Variants in ATP11C observed in about 807,000 individuals in gnomAD.
ATP11C encodes ATPase phospholipid transporting 11C (ATP11C blood group), also known as phospholipid-transporting ATPase IG.
A neutral mutation model predicts 97.4 loss-of-function variants in ATP11C; 36 were observed. The observed-to-expected ratio is 0.37, with a 90% CI of 0.28 to 0.49. The LOEUF (loss-of-function observed/expected upper bound fraction) is 0.49, where lower values mean the gene tolerates loss of function less well. ATP11C is among the 20% of genes least tolerant of loss of function. The pLI is 0.98. For synonymous variants in ATP11C, 275 were observed against 290.9 expected, an observed-to-expected ratio of 0.95 and a Z score of 0.56; for missense variants, 730 against 824.6, an observed-to-expected ratio of 0.89 and a Z score of 1.40.
In ATP11C at chrX:139,817,409, A is replaced by G. The variant is rs57786608; in HGVS notation, c.238-466T>C. On this transcript the variant is annotated intron_variant, in intron 3 of 29. Transcript: ENST00000682941. ...AGGTAGTTTTCTAGGCACAGTGAACAGTATATGCAGGTCTCTAGGAAATAA... is the reference window on the plus strand; with the variant it reads ...AGGTAGTTTTCTAGGCACAGTGAACGGTATATGCAGGTCTCTAGGAAATAA... Among the ~76,000 whole-genome samples, 494 of 112,511 alleles carry G rather than the reference A, an allele frequency of 4.4e-3. 3 individuals are homozygous for G. The highest frequency in any genetic ancestry group is 0.015 in the African/African-American group (469 of 30,995).
chrX:139,735,885 A>C, intron 28 of ATP11C, among the ~76,000 whole-genome samples: 1 of 111,666 alleles, frequency 9.0e-6, no homozygotes. Context: ...ATTGGATGTA[A>C]AGAGAGATGT....
intron 7 of ATP11C, 94 bp from the exon 8 acceptor site, chrX:139,800,204 A>C: frequency 3.2e-6 from 2 of 620,184 alleles, no homozygotes; most frequent in Non-Finnish European, 5.1e-6. Context: ...CAAATAATAA[A>C]ACAGAGATAG....
chrX:139,811,678 A>G (rs2491012), intron 5 of ATP11C, among the ~76,000 whole-genome samples: 5,814 of 110,578 alleles, frequency 0.053, 388 homozygotes, highest in African/African-American at 0.18. Flanking sequence ...CTAAACAGGT[A>G]GTAAAGAGTT....
At chrX:139,926,543 G>A (rs1455544746) in intron 1 of ATP11C, among the ~76,000 whole-genome samples, 5 of 111,634 alleles carry the variant, frequency 4.5e-5, no homozygotes, top group African/African-American at 1.6e-4. Flanking sequence ...TGGTAAACTG[G>A]CAGCTTTTTG....
intron 1 of ATP11C, among the ~76,000 whole-genome samples, chrX:139,885,926 CT>C (rs1393883168): frequency 1.8e-5 from 2 of 111,032 alleles, no homozygotes; most frequent in East Asian, 5.7e-4. Flanking sequence ...CTAACTCATA[CT>C]TAATAATAAA....
intron 15 of ATP11C, among the ~76,000 whole-genome samples, chrX:139,785,941 G>C (rs2082563354): frequency 9.0e-6 from 1 of 111,179 alleles, no homozygotes; most frequent in Admixed American, 9.6e-5. Flanking sequence ...GGCAGCATGA[G>C]AGCACATGGC....
At position 139,756,968 on chromosome X, in the gene ATP11C, TAAAAAAAAAAA is replaced by T. The variant is rs756085784; in HGVS notation, c.2700+829_2700+839del. Among the ~76,000 whole-genome samples the T allele has an allele frequency of 1.6e-4, 6 of 37,264 alleles. No individual in the cohort carries two copies. The East Asian group carries it at 3.4e-3, about 21-fold the overall frequency. The allele number at this position is 37,264 out of a possible 115,157, so 32.4% of individuals were successfully genotyped here. A position where few individuals can be genotyped will look rare whatever the true frequency, so the allele number is the denominator to read the frequency against. ...GCACATGCACTCCTGAACCTAAAAG[TAAAAAAAAAAA>T]AAAAAAAAAAAAACTGCCAAAGAAT... On this transcript the variant is annotated intron_variant, in intron 23 of 29. Transcript: ENST00000682941.
chrX:139,898,282 C>T (rs1445655024), intron 1 of ATP11C, among the ~76,000 whole-genome samples: 1 of 111,229 alleles, frequency 9.0e-6, no homozygotes, highest in African/African-American at 3.3e-5. Flanking sequence ...CCCTTCAGAT[C>T]AATAGCTCAG....
At chrX:139,881,256 G>A (rs751397907) in intron 1 of ATP11C, among the ~76,000 whole-genome samples, 1 of 111,360 alleles carries the variant, frequency 9.0e-6, no homozygotes, top group African/African-American at 3.3e-5. Context: ...GGTAACTCTA[G>A]GGAAACAAGA....
chrX:139,804,671 A>C, intron 5 of ATP11C, 72 bp from the exon 6 acceptor site: 3 of 844,677 alleles, frequency 3.6e-6, no homozygotes, highest in Non-Finnish European at 5.0e-6. Flanking sequence ...ACAAAAGTCA[A>C]AACATTAGCA....
intron 1 of ATP11C, among the ~76,000 whole-genome samples, chrX:139,838,335 A>G (rs1271841205): frequency 9.0e-6 from 1 of 111,582 alleles, no homozygotes; most frequent in Non-Finnish European, 1.9e-5. Flanking sequence ...ATAAAGTACC[A>G]AGGAATGAAA....
rs140994552 is a variant in ATP11C, at chrX:139,865,874, C to T, written c.28-39051G>A. On this transcript the variant is annotated intron_variant, in intron 1 of 29. Transcript: ENST00000682941. ...GAATTATTTGATACTTTCAGGTGTG[C>T]ACTACCAGGCCAGGCTCTGGAAATG... is the stretch of plus-strand genomic sequence containing the variant. Among the ~76,000 whole-genome samples, 682 of 110,374 alleles carry T rather than the reference C, an allele frequency of 6.2e-3. 2 individuals are homozygous for T. Among genetic ancestry groups the T allele is most frequent in the Middle Eastern group, 0.014 (3 of 216 alleles).
intron 8 of ATP11C, among the ~76,000 whole-genome samples, chrX:139,799,029 G>A (rs1176178283): frequency 1.8e-5 from 2 of 111,376 alleles, no homozygotes; most frequent in African/African-American, 3.3e-5. Context: ...ATAGCAAGAC[G>A]AGAACAGAAC....
chrX:139,918,675 C>T (rs77768339), intron 1 of ATP11C, among the ~76,000 whole-genome samples: 1 of 41,031 alleles, frequency 2.4e-5, no homozygotes, highest in Non-Finnish European at 4.5e-5. Flanking sequence ...AACCCCATTT[C>T]AAAAAAAAAA....
intron 22 of ATP11C, 81 bp from the exon 23 acceptor site, chrX:139,757,948 A>T (rs746037707): frequency 1.7e-6 from 1 of 596,224 alleles, no homozygotes; most frequent in Non-Finnish European, 2.6e-6. Flanking sequence ...TATATTCCAA[A>T]TAGTTTATAA....
chrX:139,752,101 A>G (rs1489480905), intron 23 of ATP11C, among the ~76,000 whole-genome samples: 2 of 111,523 alleles, frequency 1.8e-5, no homozygotes, highest in African/African-American at 6.5e-5. Context: ...TTTTCCTTTA[A>G]GATGTCGACG....
chrX:139,732,826 T>C, intron 28 of ATP11C, among the ~76,000 whole-genome samples: 1 of 111,407 alleles, frequency 9.0e-6, no homozygotes, highest in Admixed American at 9.5e-5. Context: ...TAAAATATGC[T>C]TCTCGTTAAA....
intron 6 of ATP11C, among the ~76,000 whole-genome samples, chrX:139,803,466 G>A (rs2082968756): frequency 9.1e-6 from 1 of 110,410 alleles, no homozygotes; most frequent in Non-Finnish European, 1.9e-5. Flanking sequence ...CTTAAAGGCA[G>A]CATAGAGAGG....
chrX:139,758,969 G>A (rs2081987844), intron 22 of ATP11C, among the ~76,000 whole-genome samples: 1 of 112,359 alleles, frequency 8.9e-6, no homozygotes, highest in Admixed American at 9.4e-5. Flanking sequence ...CTAAAGAAAT[G>A]AGCTCAACAG....
Sources: allele counts gnomAD v4.1 joint callset (sites outside exome capture counted in the v4.1 genomes callset), GRCh38; gene constraint gnomAD v4.1.1; transcripts MANE v1.5; gene names NCBI Gene and HGNC (gene_info 2026-07-23, HGNC 2026-07-21).